Variants in TEX11 observed in about 807,000 individuals in gnomAD.
TEX11 encodes the protein testis-expressed protein 11.
In TEX11, 7 loss-of-function variants were observed where a neutral mutation model predicts 84.4. The ratio of observed to expected loss-of-function variants is 0.08; its 90% CI spans 0.05 to 0.16. The LOEUF (loss-of-function observed/expected upper bound fraction) is 0.16. Ranked by LOEUF, TEX11 falls within the 10% of genes least tolerant of loss-of-function variation. The pLI, the probability that TEX11 is intolerant of heterozygous loss-of-function variation, is 1.00. For synonymous variants in TEX11, 264 were observed against 222.8 expected, an observed-to-expected ratio of 1.18 and a Z score of -1.64; for missense variants, 551 against 660.5, an observed-to-expected ratio of 0.83 and a Z score of 1.82.
At chrX:70,602,524 A>G (rs1197190754) in intron 24 of TEX11, among the ~76,000 whole-genome samples, 1 of 106,320 alleles carries the variant, frequency 9.4e-6, no homozygotes, top group African/African-American at 3.5e-5. Flanking sequence ...AAAACTCTCA[A>G]TAAATTAGGT....
chrX:70,616,784 AACTTCACATGTTCTC>A (rs776273848), intron 20 of TEX11, among the ~76,000 whole-genome samples: 132 of 111,896 alleles, frequency 1.2e-3, no homozygotes, highest in Non-Finnish European at 1.8e-3. Context: ...CAGAAAGACA[AACTTCACATGTTCTC>A]ACTTATTTGT....
At chrX:70,620,338 T>C (rs1032558865) in intron 20 of TEX11, among the ~76,000 whole-genome samples, 2 of 111,054 alleles carry the variant, frequency 1.8e-5, no homozygotes, top group Non-Finnish European at 3.8e-5. Context: ...CGATGACAAA[T>C]ACACACATAA....
intron 20 of TEX11, among the ~76,000 whole-genome samples, chrX:70,615,816 A>G (rs1179094583): frequency 8.9e-6 from 1 of 112,399 alleles, no homozygotes; most frequent in Non-Finnish European, 1.9e-5. Context: ...ATGGCGTTGC[A>G]ATATGCTTGG....
At chrX:70,573,297 G>A (rs1422686286) in intron 25 of TEX11, among the ~76,000 whole-genome samples, 1 of 111,589 alleles carries the variant, frequency 9.0e-6, no homozygotes, top group Admixed American at 9.6e-5. Context: ...TGCTGACTAT[G>A]AGGCATGATT....
intron 25 of TEX11, among the ~76,000 whole-genome samples, chrX:70,555,992 T>A (rs768160348): frequency 8.9e-6 from 1 of 111,820 alleles, no homozygotes; most frequent in Admixed American, 9.5e-5. Context: ...TCCACATTTA[T>A]GCCTGATATT....
chrX:70,817,719 G>A (rs2091296415), intron 8 of TEX11, among the ~76,000 whole-genome samples: 2 of 107,695 alleles, frequency 1.9e-5, no homozygotes, highest in African/African-American at 6.8e-5. Flanking sequence ...CAGCCTGGGT[G>A]ACAGAGTGAG....
intron 13 of TEX11, among the ~76,000 whole-genome samples, chrX:70,686,258 T>G (rs2090187711): frequency 8.9e-6 from 1 of 111,906 alleles, no homozygotes; most frequent in African/African-American, 3.3e-5. Flanking sequence ...TGCAGCACTA[T>G]TCACAACAGC....
intron 25 of TEX11, among the ~76,000 whole-genome samples, chrX:70,572,785 GAT>G (rs1435734393): frequency 1.4e-4 from 14 of 98,613 alleles, no homozygotes; most frequent in Non-Finnish European, 2.0e-4. Context: ...CTCACTCATA[GAT>G]GGGAATTGAA....
At chrX:70,730,744 C>T (rs1455147824) in intron 11 of TEX11, among the ~76,000 whole-genome samples, 1 of 111,532 alleles carries the variant, frequency 9.0e-6, no homozygotes, top group Non-Finnish European at 1.9e-5. Context: ...GACAGATCAA[C>T]ACGACAGAAA....
the TEX11 span, among the ~76,000 whole-genome samples, chrX:70,517,763 G>T: frequency 1.8e-5 from 2 of 110,825 alleles, no homozygotes; most frequent in East Asian, 5.6e-4. Context: ...GTACATTTTT[G>T]GTTGGTAGGC....
At chrX:70,548,259 G>A (rs929848467) in intron 28 of TEX11, among the ~76,000 whole-genome samples, 23 of 107,448 alleles carry the variant, frequency 2.1e-4, no homozygotes, top group Non-Finnish European at 3.5e-4. Context: ...CACACACCGG[G>A]GCCTGTTGTG....
At chrX:70,727,070 C>T (rs1024624596) in intron 11 of TEX11, among the ~76,000 whole-genome samples, 1 of 111,278 alleles carries the variant, frequency 9.0e-6, no homozygotes, top group Admixed American at 9.6e-5. Flanking sequence ...CCAGGTACAA[C>T]AAACATACAA....
At chrX:70,735,312 A>G (rs2090687618) in intron 11 of TEX11, among the ~76,000 whole-genome samples, 3 of 111,906 alleles carry the variant, frequency 2.7e-5, no homozygotes, top group Admixed American at 1.9e-4. Flanking sequence ...TCAGCCTCCC[A>G]AAGTACTGGG....
chrX:70,673,713 A>C (rs1448407553), intron 15 of TEX11, among the ~76,000 whole-genome samples: 1 of 111,468 alleles, frequency 9.0e-6, no homozygotes, highest in Non-Finnish European at 1.9e-5. Context: ...GCTTTCTCAA[A>C]AATCAGTTGA....
chrX:70,697,456 C>A (rs925067623), intron 13 of TEX11, among the ~76,000 whole-genome samples: 4 of 111,794 alleles, frequency 3.6e-5, no homozygotes, highest in African/African-American at 1.3e-4. Context: ...ATACTCACTG[C>A]TCATGCTAAA....
At chrX:70,636,162 C>T (rs1013445951) in intron 17 of TEX11, among the ~76,000 whole-genome samples, 2 of 110,679 alleles carry the variant, frequency 1.8e-5, no homozygotes, top group Non-Finnish European at 3.8e-5. Context: ...CCAGGCTGGC[C>T]CCCACAGACC....
intron 28 of TEX11, 127 bp downstream of exon 28, chrX:70,551,998 TA>T (rs1468707809): frequency 1.3e-6 from 1 of 800,000 alleles, no homozygotes; most frequent in African/African-American, 2.2e-5. Flanking sequence ...AGTGTGTAAC[TA>T]CAAAATTGTA....
intron 7 of TEX11, among the ~76,000 whole-genome samples, chrX:70,844,577 G>A (rs1300987281): frequency 5.5e-5 from 6 of 109,256 alleles, no homozygotes; most frequent in Non-Finnish European, 9.5e-5. Flanking sequence ...AAACCTGCAC[G>A]TTGTGCACAT....
Position 70,700,421 on chromosome X carries a change from T to A in TEX11, c.1005-17596A>T, listed in dbSNP as rs953573816. Reference sequence around the variant, plus strand: ...TAAGTAATTCTCGCAATATTTCAATTTTTTTCATTATTATTATAACTGTAA... The same window carrying A: ...TAAGTAATTCTCGCAATATTTCAATATTTTTCATTATTATTATAACTGTAA... On this transcript the variant is annotated intron_variant, in intron 13 of 29. Transcript: ENST00000374333. 2.7e-5 allele frequency among the ~76,000 whole-genome samples: 3 copies of A among 111,921 alleles called. No homozygotes were observed. The Admixed American group carries it at 2.9e-4, about 11-fold the overall frequency.
Sources: allele counts gnomAD v4.1 joint callset (sites outside exome capture counted in the v4.1 genomes callset), GRCh38; gene constraint gnomAD v4.1.1; transcripts MANE v1.5; gene names NCBI Gene and HGNC (gene_info 2026-07-23, HGNC 2026-07-21).